The following PDE8A variants were observed in gnomAD, a reference collection of about 807,000 sequenced individuals.
PDE8A encodes the protein high affinity cAMP-specific and IBMX-insensitive 3',5'-cyclic phosphodiesterase 8A.
Under a neutral mutation model 105.0 loss-of-function variants are expected in PDE8A, and 59 were observed. That is an observed-to-expected ratio of 0.56 (90% CI 0.46 to 0.70). The LOEUF (loss-of-function observed/expected upper bound fraction) is 0.70, where lower values mean the gene tolerates loss of function less well. Among genes scored for constraint, PDE8A ranks in the 30% least tolerant of loss-of-function variants. The pLI is 0.00. For missense variants in PDE8A, 1,014 were observed against 1,045.9 expected (o/e 0.97, Z 0.42); for synonymous variants, 355 against 371.9 (o/e 0.95, Z 0.52).
intron 1 of PDE8A, among the ~76,000 whole-genome samples, chr15:84,984,248 C>G (rs1460105253): frequency 2.6e-5 from 4 of 152,184 alleles, no homozygotes; most frequent in African/African-American, 9.7e-5. Context: ...TATTCATGAA[C>G]TGTACATGTT....
At chr15:85,123,858 G>A (rs1023606212) in intron 19 of PDE8A, among the ~76,000 whole-genome samples, 3 of 152,152 alleles carry the variant, frequency 2.0e-5, no homozygotes, top group Non-Finnish European at 4.4e-5. Flanking sequence ...CCAACTAGAT[G>A]GGAAAACTCG....
At position 85,083,603 on chromosome 15, in the gene PDE8A, C is replaced by G; in HGVS notation, c.594C>G (p.Leu198=). 1 of 1,613,594 alleles carries G rather than the reference C, an allele frequency of 6.2e-7. No individual in the cohort carries two copies. The highest frequency in any genetic ancestry group is 8.5e-7 in the Non-Finnish European group (1 of 1,179,570). ...PNIMACYNEL[L]QLEFGEVRSQ... ...TCATGGCCTGCTACAATGAACTGCT[C>G]CAGCTGGAGTTTGGAGAGGTGCGAT... Residue 198 remains leucine (L), a synonymous_variant, in exon 6 of 22, where the codon CTC becomes CTG. Transcript: ENST00000394553.
rs551914525 is a variant in PDE8A at position 85,014,260 on chromosome 15, C to T, written c.186+31912C>T. On this transcript the variant is annotated intron_variant, in intron 1 of 21. Coordinates refer to ENST00000394553, the MANE Select transcript of PDE8A (RefSeq NM_002605.3). ...CTCCTGGGCTAAAGCTATTCTCCTG[C>T]TTCAGCCTCCCGAGGAGTTGGAAGT... is the stretch of plus-strand genomic sequence containing the variant. Among the ~76,000 whole-genome samples, 3 of 152,274 alleles carry T rather than the reference C, an allele frequency of 2.0e-5. No homozygotes were observed. The South Asian group carries it at 6.2e-4, about 32-fold the overall frequency.
chr15:84,982,051 C>A lies in PDE8A; in HGVS notation c.-112C>A, dbSNP rs2079718704. ...GACGCGAGATCCGCGCTCGCCGCCG[C>A]CCGCCCAGGCGGCGATGACACGGCG... On this transcript the variant is annotated 5_prime_UTR_variant, in exon 1 of 22. Transcript: ENST00000394553. 1 of 542,328 alleles carries A rather than the reference C, an allele frequency of 1.8e-6. No homozygotes were observed. The highest frequency in any genetic ancestry group is 2.0e-5 in the African/African-American group (1 of 49,896). 33.6% of individuals were successfully genotyped at this position (542,328 alleles called of 1,614,324 possible). A position where few individuals can be genotyped will look rare whatever the true frequency, so the allele number is the denominator to read the frequency against.
At chr15:84,981,851 G>C (rs1442384480), upstream of PDE8A, 2 of 190,216 alleles carry the variant, frequency 1.1e-5, no homozygotes, top group African/African-American at 4.7e-5. Context: ...TATTTCCCCG[G>C]AAGCGCGGCC....
At chr15:85,042,304 G>A (rs1374413975) in intron 1 of PDE8A, among the ~76,000 whole-genome samples, 1 of 151,974 alleles carries the variant, frequency 6.6e-6, no homozygotes, top group African/African-American at 2.4e-5. Context: ...AGCCTCTCTG[G>A]TCTTAGACTA....
At chr15:85,117,422 G>A (rs2082113050) in intron 16 of PDE8A, among the ~76,000 whole-genome samples, 1 of 152,166 alleles carries the variant, frequency 6.6e-6, no homozygotes, top group African/African-American at 2.4e-5. Context: ...CAGAGCTGCT[G>A]TGGGCAGCCA....
rs1466229900 is a variant in PDE8A at position 85,138,976 on chromosome 15, G to C, written c.*1073G>C. The stretch of plus-strand genomic sequence containing the variant: ...GTTTTTATCTACGGTGGGAATCTTT[G>C]ATGCCAGAAATTTATAAAGAGGTTC... On this transcript the variant is annotated 3_prime_UTR_variant, in exon 22 of 22. Coordinates refer to ENST00000394553, the MANE Select transcript of PDE8A (RefSeq NM_002605.3). 6.6e-6 allele frequency: 1 copy of C among 152,020 alleles called. No individual in the cohort carries two copies. Among genetic ancestry groups the C allele is most frequent in the Non-Finnish European group, 1.5e-5 (1 of 68,012 alleles). 9.4% of individuals were successfully genotyped at this position (152,020 alleles called of 1,614,324 possible).
At chr15:85,099,652 T>A (rs1236104467) in intron 9 of PDE8A, 1 of 215,064 alleles carries the variant, frequency 4.6e-6, no homozygotes, top group Non-Finnish European at 9.3e-6. Context: ...AGCAGATTGT[T>A]TGTTGGAACT....
intron 1 of PDE8A, among the ~76,000 whole-genome samples, chr15:85,022,939 CAG>C (rs2080452913): frequency 6.6e-6 from 1 of 152,078 alleles, no homozygotes; most frequent in African/African-American, 2.4e-5. Context: ...GCTAAAGGGA[CAG>C]AGTCAGTAGG....
intron 20 of PDE8A, among the ~76,000 whole-genome samples, chr15:85,135,406 C>T (rs2082393261): frequency 6.6e-6 from 1 of 152,152 alleles, no homozygotes; most frequent in Non-Finnish European, 1.5e-5. Flanking sequence ...CCAGCCCTGG[C>T]ACTGGGGAGA....
At chr15:85,011,586 G>A (rs968206733) in intron 1 of PDE8A, among the ~76,000 whole-genome samples, 2 of 152,132 alleles carry the variant, frequency 1.3e-5, no homozygotes, top group African/African-American at 4.8e-5. Context: ...GAAAAATAAT[G>A]GTTTTCCTAG....
chr15:85,136,146 G>A (rs2082405713), intron 20 of PDE8A, among the ~76,000 whole-genome samples: 1 of 152,232 alleles, frequency 6.6e-6, no homozygotes, highest in South Asian at 2.1e-4. Flanking sequence ...GTAATCGCCT[G>A]CTCTGTGGAC....
upstream of PDE8A, chr15:84,980,565 G>C (rs1433659430): frequency 6.6e-6 from 1 of 152,476 alleles, no homozygotes; most frequent in South Asian, 2.1e-4. Context: ...TCCGCAAACC[G>C]GGAGCCCAGG....
chr15:85,060,931 A>G (rs1347982651), intron 1 of PDE8A, among the ~76,000 whole-genome samples: 1 of 151,992 alleles, frequency 6.6e-6, no homozygotes, highest in Non-Finnish European at 1.5e-5. Context: ...GTGTCCTTTT[A>G]TTTTACCCTG....
At chr15:85,013,716 A>T (rs1567228927) in intron 1 of PDE8A, among the ~76,000 whole-genome samples, 1 of 152,214 alleles carries the variant, frequency 6.6e-6, no homozygotes, top group African/African-American at 2.4e-5. Flanking sequence ...TGGTTCAGGA[A>T]TTTGAGAGAA....
chr15:85,128,435 T>A (rs1205295583), intron 20 of PDE8A, among the ~76,000 whole-genome samples: 2 of 152,174 alleles, frequency 1.3e-5, no homozygotes, highest in Non-Finnish European at 2.9e-5. Flanking sequence ...AGGTTGAGGC[T>A]GCAGTGAGCC....
intron 6 of PDE8A, among the ~76,000 whole-genome samples, chr15:85,087,475 C>T (rs1427649295): frequency 6.6e-6 from 1 of 152,220 alleles, no homozygotes; most frequent in Non-Finnish European, 1.5e-5. Context: ...GCTGGCATTA[C>T]AGGTGTGATC....
At chr15:85,113,564 G>A (rs2082050649) in intron 13 of PDE8A, 117 bp downstream of exon 13, 3 of 894,678 alleles carry the variant, frequency 3.4e-6, no homozygotes, top group African/African-American at 3.3e-5. Context: ...TCATAGTTGT[G>A]TGGTGCTAGT....
Sources: gnomAD v4.1 joint callset for allele counts (sites outside exome capture counted in the v4.1 genomes callset) on GRCh38, gnomAD v4.1.1 for gene constraint, MANE v1.5 for transcripts, NCBI Gene and HGNC (gene_info 2026-07-23, HGNC 2026-07-21) for gene names.